FREM1: variants seen among roughly 807,000 people sequenced by gnomAD.
FREM1 encodes FRAS1-related extracellular matrix protein 1.
A neutral mutation model predicts 210.1 loss-of-function variants in FREM1; 220 were observed. That is an observed-to-expected ratio of 1.05 (90% CI 0.94 to 1.17). The LOEUF (loss-of-function observed/expected upper bound fraction) is 1.17. Among genes scored for constraint, FREM1 ranks in the 50% most tolerant of loss-of-function variants. The pLI is 0.00. For synonymous variants in FREM1, 1,189 were observed against 980.2 expected (o/e 1.21, Z -3.98); for missense variants, 3,454 against 2,675.5 (o/e 1.29, Z -6.42).
At chr9:14,813,589 T>C (rs964018715) in intron 15 of FREM1, among the ~76,000 whole-genome samples, 2 of 152,198 alleles carry the variant, frequency 1.3e-5, no homozygotes, top group African/African-American at 4.8e-5. Flanking sequence ...TTGAGTTAAA[T>C]ATGAAACTCC....
chr9:14,738,667 T>C (rs1458665018), intron 36 of FREM1, among the ~76,000 whole-genome samples: 2 of 152,176 alleles, frequency 1.3e-5, no homozygotes, highest in African/African-American at 4.8e-5. Context: ...GTAGTGGGGA[T>C]ACTGACTTTG....
chr9:14,744,977 G>T (rs77060168), intron 35 of FREM1, among the ~76,000 whole-genome samples: 10,178 of 152,188 alleles, frequency 0.067, 1,107 homozygotes, highest in African/African-American at 0.23. Flanking sequence ...GGGACATGGA[G>T]GGAGCTGGGG....
At chr9:14,847,275 C>T (rs1327724440) in intron 7 of FREM1, among the ~76,000 whole-genome samples, 1 of 151,922 alleles carries the variant, frequency 6.6e-6, no homozygotes, top group Non-Finnish European at 1.5e-5. Context: ...CTCAGCCATG[C>T]GTTTTTATTT....
rs140826934 is a variant in FREM1 at position 14,777,212 on chromosome 9, A to G, written c.4443-1009T>C. The stretch of plus-strand genomic sequence containing the variant: ...TACAGTCTTAGGTTTGTGATATCTT[A>G]ATGTGCTTTTGATTCTATTGATCAT... On this transcript the variant is annotated intron_variant, in intron 24 of 36. Coordinates refer to ENST00000380880, the MANE Select transcript of FREM1 (RefSeq NM_001379081.2). 6.9e-3 allele frequency among the ~76,000 whole-genome samples: 1,044 copies of G among 152,346 alleles called. 16 individuals carry two copies. Among genetic ancestry groups the G allele is most frequent in the African/African-American group, 0.023 (972 of 41,584 alleles).
Position 14,824,787 on chromosome 9 carries a change from T to C in FREM1, c.2078+9A>G. 6.2e-7 allele frequency: 1 copy of C among 1,603,162 alleles called. No homozygotes were observed. Among genetic ancestry groups the C allele is most frequent in the Non-Finnish European group, 8.5e-7 (1 of 1,173,188 alleles). ...GAACTAGTAGCCCAAATGGTGACTTTTCAGATACCTGTGGCTGAAGGAGAA... is the reference window on the plus strand; with the variant it reads ...GAACTAGTAGCCCAAATGGTGACTTCTCAGATACCTGTGGCTGAAGGAGAA... On this transcript the variant is annotated intron_variant, in intron 11 of 36. Transcript: ENST00000380880.
At position 14,776,131 on chromosome 9, in the gene FREM1, G is replaced by A. The variant is rs1848528177; in HGVS notation, c.4515C>T (p.Ala1505=). The stretch of plus-strand genomic sequence containing the variant: ...CCTTGTTCCTGGTTACCACAGGCAG[G>A]GCTCTGTCCACAGTCTCCAGTGTGA... ...FEITLETVDR[A]LPVVTRNKGL... The change falls in exon 25 of 37, where the codon GCC becomes GCT. Residue 1505 remains alanine (A), a synonymous_variant. Transcript: ENST00000380880. The A allele has an allele frequency of 6.3e-7, 1 of 1,587,162 alleles. No homozygotes were observed. Among genetic ancestry groups the A allele is most frequent in the African/African-American group, 1.3e-5 (1 of 74,518 alleles).
At position 14,773,598 on chromosome 9, in the gene FREM1, C is replaced by T. The variant is rs564365940; in HGVS notation, c.4857+2191G>A. ...AAGCTTACCTTGTGGGGTTTTTACA[C>T]GTAATGATTTTTTTTTTTTTTTGCA... is the stretch of plus-strand genomic sequence containing the variant. On this transcript the variant is annotated intron_variant, in intron 25 of 36. Transcript: ENST00000380880. Among the ~76,000 whole-genome samples the T allele has an allele frequency of 1.7e-3, 209 of 122,872 alleles. 2 individuals are homozygous for T. The highest frequency in any genetic ancestry group is 1.9e-3 in the Non-Finnish European group (116 of 59,834). 80.6% of individuals were successfully genotyped at this position (122,872 alleles called of 152,430 possible). A position where few individuals can be genotyped will look rare whatever the true frequency, so the allele number is the denominator to read the frequency against.
chr9:14,765,491 C>T (rs1587811732), intron 27 of FREM1, among the ~76,000 whole-genome samples: 1 of 152,314 alleles, frequency 6.6e-6, no homozygotes, highest in South Asian at 2.1e-4. Context: ...ATGTATAAAG[C>T]ACCTGTACAC....
intron 28 of FREM1, among the ~76,000 whole-genome samples, chr9:14,758,233 G>A (rs974874093): frequency 1.3e-5 from 2 of 152,158 alleles, no homozygotes; most frequent in East Asian, 1.9e-4. Context: ...ATGAAGGCCT[G>A]CACACTCAGC....
chr9:14,851,822 G>A (rs1284476567), intron 5 of FREM1, among the ~76,000 whole-genome samples: 3 of 152,154 alleles, frequency 2.0e-5, no homozygotes, highest in Non-Finnish European at 4.4e-5. Context: ...CCAAAAAGGG[G>A]ACCAGAAAAC....
Position 14,823,261 on chromosome 9 carries a change from C to T in FREM1, c.2236G>A (p.Asp746Asn), listed in dbSNP as rs1379916313. Reference sequence around the variant, plus strand: ...CTGACAGAAAATGTGAACTGGACATCTCTGCAATGGGGACCAATGTCTTGC... The same window carrying T: ...CTGACAGAAAATGTGAACTGGACATTTCTGCAATGGGGACCAATGTCTTGC... ...PMQDIGPHCR[D>N]VQFTFSVSNQ... The change falls in exon 13 of 37, where the codon GAT (aspartate) becomes AAT (asparagine). Residue 746 changes from aspartate to asparagine, a missense_variant. Physicochemically the swap from Asp to Asn is conservative, Grantham distance 23. Coordinates refer to ENST00000380880, the MANE Select transcript of FREM1 (RefSeq NM_001379081.2). 6.2e-7 allele frequency: 1 copy of T among 1,613,934 alleles called. No homozygotes were observed.
At chr9:14,877,379 C>A (rs1254117370) in intron 1 of FREM1, among the ~76,000 whole-genome samples, 1 of 138,780 alleles carries the variant, frequency 7.2e-6, no homozygotes, top group East Asian at 1.9e-4. Context: ...AACAGCAACT[C>A]CAACTTTTCA....
chr9:14,775,547 A>C (rs1848399714), intron 25 of FREM1, among the ~76,000 whole-genome samples: 1 of 151,810 alleles, frequency 6.6e-6, no homozygotes, highest in Admixed American at 6.6e-5. Flanking sequence ...CTCTACTAAA[A>C]ATGCAAAAAA....
intron 16 of FREM1, among the ~76,000 whole-genome samples, chr9:14,809,798 T>C (rs1157120370): frequency 1.3e-5 from 2 of 152,166 alleles, no homozygotes; most frequent in African/African-American, 4.8e-5. Flanking sequence ...GAATGTCAAA[T>C]GTCAAAAGAC....
intron 1 of FREM1, among the ~76,000 whole-genome samples, chr9:14,905,283 T>C (rs1309592548): frequency 2.0e-5 from 3 of 151,300 alleles, no homozygotes; most frequent in Non-Finnish European, 2.9e-5. Flanking sequence ...AGAGAGAGAG[T>C]GCACACTCCT....
intron 27 of FREM1, among the ~76,000 whole-genome samples, chr9:14,768,150 G>C (rs1014659206): frequency 6.6e-6 from 1 of 152,016 alleles, no homozygotes; most frequent in Non-Finnish European, 1.5e-5. Context: ...ATCATTACTG[G>C]GGGAAGAAAA....
intron 2 of FREM1, among the ~76,000 whole-genome samples, chr9:14,865,650 T>A (rs982782729): frequency 1.4e-5 from 2 of 145,752 alleles, no homozygotes; most frequent in African/African-American, 5.3e-5. Flanking sequence ...TATTAAAGAA[T>A]AATGTTTAGG....
At chr9:14,879,867 G>C (rs1247378569) in intron 1 of FREM1, among the ~76,000 whole-genome samples, 1 of 152,172 alleles carries the variant, frequency 6.6e-6, no homozygotes, top group Non-Finnish European at 1.5e-5. Context: ...TAGGTTGTTG[G>C]TAGGTACAAT....
intron 29 of FREM1, among the ~76,000 whole-genome samples, chr9:14,753,465 C>G (rs10511597): frequency 2.0e-5 from 3 of 152,154 alleles, no homozygotes; most frequent in Non-Finnish European, 2.9e-5. Flanking sequence ...AGACTAGTCA[C>G]AATAGCTGAA....
Sources: gnomAD v4.1 joint callset for allele counts (sites outside exome capture counted in the v4.1 genomes callset) on GRCh38, gnomAD v4.1.1 for gene constraint, MANE v1.5 for transcripts, NCBI Gene and HGNC (gene_info 2026-07-23, HGNC 2026-07-21) for gene names.